Variants in TOMM40 observed in about 807,000 individuals in gnomAD.
The protein encoded by TOMM40 is mitochondrial import receptor subunit TOM40 homolog.
TOMM40 carries 9 observed loss-of-function variants against 38.4 expected under a neutral mutation model. The observed-to-expected ratio is 0.23, with a 90% CI of 0.14 to 0.41. The LOEUF is 0.41. Ranked by LOEUF, TOMM40 falls within the 10% of genes least tolerant of loss-of-function variation. The pLI is 1.00. For synonymous variants in TOMM40, 184 were observed against 210.0 expected (o/e 0.88, Z 1.07); for missense variants, 299 against 486.5 (o/e 0.61, Z 3.63).
At chr19:44,902,964 G>A in intron 8 of TOMM40, 66 bp from the exon 9 acceptor site, 1 of 1,565,300 alleles carries the variant, frequency 6.4e-7, no homozygotes, top group Non-Finnish European at 8.6e-7. Context: ...TATCCAAGGT[G>A]GCCAGGAACT....
At chr19:44,891,818 G>C in intron 1 of TOMM40, 129 bp downstream of exon 1, 1 of 1,033,370 alleles carries the variant, frequency 9.7e-7, no homozygotes, top group South Asian at 2.5e-5. Context: ...GTGATGTTGG[G>C]ATCGAATGGT....
At chr19:44,897,020 T>C (rs924153324) in intron 5 of TOMM40, among the ~76,000 whole-genome samples, 1 of 152,116 alleles carries the variant, frequency 6.6e-6, no homozygotes, top group Non-Finnish European at 1.5e-5. Flanking sequence ...AGTGGTTCTA[T>C]TCTGAAGCTG....
At chr19:44,896,199 C>T (rs140684051) in intron 5 of TOMM40, among the ~76,000 whole-genome samples, 1,578 of 152,108 alleles carry the variant, frequency 0.01, 13 homozygotes, top group Non-Finnish European at 0.013. Flanking sequence ...TAGTCCTTTC[C>T]AGTGCCTCTT....
At chr19:44,893,690 C>A in intron 3 of TOMM40, 90 bp from the exon 4 acceptor site, 2 of 1,109,814 alleles carry the variant, frequency 1.8e-6, no homozygotes, top group Non-Finnish European at 2.6e-6. Flanking sequence ...CCATCCGAGG[C>A]TTTCTGACCC....
chr19:44,898,511 C>CTTTTTTTTTT (rs34896370), intron 5 of TOMM40, among the ~76,000 whole-genome samples: 31 of 98,492 alleles, frequency 3.1e-4, no homozygotes, highest in Middle Eastern at 7.9e-3. Flanking sequence ...TGTGTTGTTT[C>CTTTTTTTTTT]TTTTTTTTTT....
Position 44,900,725 on chromosome 19 carries a change from C to T in TOMM40, c.644-5C>T. 1 of 1,612,112 alleles carries T rather than the reference C, an allele frequency of 6.2e-7. No homozygotes were observed. Among genetic ancestry groups the T allele is most frequent in the South Asian group, 1.1e-5 (1 of 90,990 alleles). The stretch of plus-strand genomic sequence containing the variant: ...GGTGGAAACTGATCGTCATTTTGCC[C>T]ACAGGAATCCTCGTAGCCCACTACC... On this transcript the variant is annotated splice_region_variant and splice_polypyrimidine_tract_variant and intron_variant, in intron 5 of 8. Coordinates refer to ENST00000426677, the MANE Select transcript of TOMM40 (RefSeq NM_001128917.2).
At chr19:44,898,255 C>G (rs965503145) in intron 5 of TOMM40, among the ~76,000 whole-genome samples, 3 of 152,170 alleles carry the variant, frequency 2.0e-5, no homozygotes, top group African/African-American at 7.2e-5. Context: ...GGCCAGCCTG[C>G]TCCCACTGTG....
chr19:44,891,487 G>A lies in TOMM40; in HGVS notation c.72G>A (p.Gly24=), dbSNP rs1324891361. The change falls in exon 1 of 9, where the codon GGG becomes GGA. Residue 24 remains glycine, a synonymous_variant. Transcript: ENST00000426677. ...PPPPPAPALV[G]LPPPPPSPPG... The stretch of plus-strand genomic sequence containing the variant: ...CGCCGCCTGCGCCGGCCCTCGTGGG[G>A]CTGCCGCCACCTCCGCCCTCGCCGC... 6 of 1,354,852 alleles carry A rather than the reference G, an allele frequency of 4.4e-6. No individual in the cohort carries two copies. Among genetic ancestry groups the A allele is most frequent in the South Asian group, 3.6e-5 (2 of 55,332 alleles). 83.9% of individuals were successfully genotyped at this position (1,354,852 alleles called of 1,614,324 possible).
intron 8 of TOMM40, 25 bp from the exon 9 acceptor site, chr19:44,903,005 C>G: frequency 1.9e-6 from 3 of 1,606,932 alleles, no homozygotes; most frequent in Non-Finnish European, 2.5e-6. Context: ...GCTGGCACGC[C>G]TCTCACCTCA....
In TOMM40 at chr19:44,901,111, G is replaced by T; in HGVS notation, c.843+7G>T. On this transcript the variant is annotated splice_region_variant and intron_variant, in intron 7 of 8. Transcript: ENST00000426677. ...CCACAAAGCCAGTGACCAGGTGAGT[G>T]GGTGCAGGGACTAGCTGGTGCTGCC... 6.2e-7 allele frequency: 1 copy of T among 1,614,252 alleles called. No individual in the cohort carries two copies. Among genetic ancestry groups the T allele is most frequent in the Non-Finnish European group, 8.5e-7 (1 of 1,180,032 alleles).
intron 2 of TOMM40, 95 bp downstream of exon 2, chr19:44,892,555 G>T: frequency 2.5e-6 from 3 of 1,203,104 alleles, no homozygotes; most frequent in South Asian, 1.2e-5. Flanking sequence ...TCCCTCAAGA[G>T]CTGGGCTCCC....
In TOMM40 at chr19:44,903,310, G is replaced by A. The variant is rs1052609042; in HGVS notation, c.*141G>A. 1.3e-5 allele frequency: 11 copies of A among 857,172 alleles called. No individual in the cohort carries two copies. The highest frequency in any genetic ancestry group is 1.9e-5 in the Non-Finnish European group (11 of 580,932). 53.1% of individuals were successfully genotyped at this position (857,172 alleles called of 1,614,324 possible). On this transcript the variant is annotated 3_prime_UTR_variant, in exon 9 of 9. Coordinates refer to ENST00000426677, the MANE Select transcript of TOMM40 (RefSeq NM_001128917.2). ...GGGGACATTGGAAAGGAGGGACCCC[G>A]CCACCCCAGCAGCTGAGGAGGGGAT...
chr19:44,903,651 A>T lies in TOMM40; in HGVS notation c.*482A>T, dbSNP rs534491371. The stretch of plus-strand genomic sequence containing the variant: ...AACCGGGACATTTTACAGAAAAAAA[A>T]CAAAAAACAACAAAAAATATACGTG... On this transcript the variant is annotated 3_prime_UTR_variant, in exon 9 of 9. Transcript: ENST00000426677. 1 of 153,312 alleles carries T rather than the reference A, an allele frequency of 6.5e-6. No individual in the cohort carries two copies. Among genetic ancestry groups the T allele is most frequent in the Non-Finnish European group, 1.5e-5 (1 of 68,498 alleles). 9.5% of individuals were successfully genotyped at this position (153,312 alleles called of 1,614,324 possible).
At position 44,894,036 on chromosome 19, in the gene TOMM40, C is replaced by T; in HGVS notation, c.613C>T (p.Leu205=). ...RGSDFTAAVT[L]GNPDVLVGSG... is the part of the protein sequence containing the mutation. ...CTCTGACTTCACAGCAGCCGTCACC[C>T]TGGGGAACCCAGACGTCCTCGTGGG... The change falls in exon 5 of 9, where the codon CTG becomes TTG. Residue 205 remains leucine, a synonymous_variant. Coordinates refer to ENST00000426677, the MANE Select transcript of TOMM40 (RefSeq NM_001128917.2). The T allele has an allele frequency of 6.5e-7, 1 of 1,526,832 alleles. No individual in the cohort carries two copies. The highest frequency in any genetic ancestry group is 8.8e-7 in the Non-Finnish European group (1 of 1,135,152). The allele number at this position is 1,526,832 out of a possible 1,614,324, so 94.6% of individuals were successfully genotyped here.
chr19:44,901,770 A>C (rs996435118), intron 8 of TOMM40: 1 of 162,032 alleles, frequency 6.2e-6, no homozygotes, highest in Non-Finnish European at 1.3e-5. Context: ...ACCCTCTACT[A>C]TGTTTTATGC....
intron 5 of TOMM40, among the ~76,000 whole-genome samples, chr19:44,900,516 GA>G (rs1259603172): frequency 6.6e-6 from 1 of 152,204 alleles, no homozygotes; most frequent in African/African-American, 2.4e-5. Flanking sequence ...TCGACCAGAT[GA>G]GGTCCTTCAG....
At chr19:44,896,582 G>A (rs1969569621) in intron 5 of TOMM40, among the ~76,000 whole-genome samples, 1 of 152,200 alleles carries the variant, frequency 6.6e-6, no homozygotes, top group Non-Finnish European at 1.5e-5. Context: ...TGCCCAGGGT[G>A]ACACAGCCAG....
At chr19:44,901,856 C>A (rs149311267) in intron 8 of TOMM40, 2,542 of 154,314 alleles carry the variant, frequency 0.016, 85 homozygotes, top group Admixed American at 0.095. Context: ...GGAGGCCAAG[C>A]CAGGTAGAAT....
chr19:44,901,594 G>C, intron 8 of TOMM40: 2 of 717,348 alleles, frequency 2.8e-6, no homozygotes, highest in Non-Finnish European at 4.3e-6. Context: ...AACAAAATTA[G>C]CCGGGTGTGG....
Sources: allele counts gnomAD v4.1 joint callset (sites outside exome capture counted in the v4.1 genomes callset), GRCh38; gene constraint gnomAD v4.1.1; transcripts MANE v1.5; gene names NCBI Gene and HGNC (gene_info 2026-07-23, HGNC 2026-07-21).